RASA2: variants seen among roughly 807,000 people sequenced by gnomAD.
RASA2 encodes ras GTPase-activating protein 2.
RASA2 carries 155 observed loss-of-function variants against 118.2 expected under a neutral mutation model. The observed-to-expected ratio is 1.31, with a 90% CI of 1.15 to 1.50. RASA2 has a LOEUF of 1.50. Ranked by LOEUF, RASA2 falls within the 40% of genes most tolerant of loss-of-function variation. The probability of loss-of-function intolerance (pLI) is 0.00; values close to 1 mark genes in which losing one functional copy is unlikely to be tolerated. For synonymous variants in RASA2, 353 were observed against 349.1 expected (o/e 1.01, Z -0.12); for missense variants, 1,016 against 1,009.6 (o/e 1.01, Z -0.09).
intron 19 of RASA2, among the ~76,000 whole-genome samples, chr3:141,601,698 G>A (rs1245909375): frequency 1.3e-5 from 2 of 151,934 alleles, no homozygotes; most frequent in African/African-American, 2.4e-5. Context: ...AGAGCTTGTT[G>A]GGGTTTGTTG....
intron 1 of RASA2, among the ~76,000 whole-genome samples, chr3:141,500,212 A>G (rs1276428393): frequency 6.6e-6 from 1 of 152,144 alleles, no homozygotes; most frequent in Non-Finnish European, 1.5e-5. Flanking sequence ...GTAGTTCTTG[A>G]CAGTCCCCCC....
At chr3:141,502,660 AATAAT>A (rs1333525392) in intron 1 of RASA2, among the ~76,000 whole-genome samples, 9 of 152,202 alleles carry the variant, frequency 5.9e-5, no homozygotes, top group Non-Finnish European at 1.3e-4. Context: ...GATTAAGTAA[AATAAT>A]ATATATGAAG....
At chr3:141,594,870 C>T (rs1219202519) in intron 19 of RASA2, among the ~76,000 whole-genome samples, 1 of 140,124 alleles carries the variant, frequency 7.1e-6, no homozygotes, top group Non-Finnish European at 1.6e-5. Flanking sequence ...TGTAAGAATG[C>T]CTGTTTTTTT....
rs571775549 is a variant in RASA2 at position 141,600,114 on chromosome 3, A to G, written c.1934-7564A>G. 6.6e-5 allele frequency among the ~76,000 whole-genome samples: 10 copies of G among 152,346 alleles called. No homozygotes were observed. The South Asian group carries it at 2.1e-3, about 32-fold the overall frequency. ...AAGACAAACACAAATCAGGGAATGA[A>G]GTTTTCCCAAAGCTGCAGTGTGAAA... is the stretch of plus-strand genomic sequence containing the variant. On this transcript the variant is annotated intron_variant, in intron 19 of 23. Transcript: ENST00000286364.
At chr3:141,512,396 T>C (rs1303695321) in intron 2 of RASA2, 116 bp downstream of exon 2, 1 of 703,562 alleles carries the variant, frequency 1.4e-6, no homozygotes, top group Non-Finnish European at 2.3e-6. Context: ...TGCTTTCATG[T>C]GGCTTTTCAT....
At position 141,489,878 on chromosome 3, in the gene RASA2, A is replaced by G. The variant is rs571861162; in HGVS notation, c.133+2662A>G. On this transcript the variant is annotated intron_variant, in intron 1 of 23. Transcript: ENST00000286364. Reference sequence around the variant, plus strand: ...GGAAACTTAACAAAAAGTGGTAACCAAAAAGGTGGAGGTCACAAAATAACA... The same window carrying G: ...GGAAACTTAACAAAAAGTGGTAACCGAAAAGGTGGAGGTCACAAAATAACA... Among the ~76,000 whole-genome samples, 13 of 152,284 alleles carry G rather than the reference A, an allele frequency of 8.5e-5. No individual in the cohort carries two copies. The South Asian group carries it at 2.7e-3, about 32-fold the overall frequency.
At chr3:141,547,285 T>G (rs1245697381) in intron 5 of RASA2, among the ~76,000 whole-genome samples, 2 of 152,156 alleles carry the variant, frequency 1.3e-5, no homozygotes, top group African/African-American at 2.4e-5. Context: ...GTAGATTGCT[T>G]TAGGTAGTAT....
At chr3:141,580,085 A>AAAAT (rs1553797703) in intron 15 of RASA2, among the ~76,000 whole-genome samples, 210 of 59,594 alleles carry the variant, frequency 3.5e-3, no homozygotes, top group Middle Eastern at 0.015. Flanking sequence ...AAAAAAAAAA[A>AAAAT]ATATATATAT....
chr3:141,580,362 C>A lies in RASA2; in HGVS notation c.1591-6C>A, dbSNP rs767959881. The A allele has an allele frequency of 6.3e-7, 1 of 1,587,548 alleles. No individual in the cohort carries two copies. Among genetic ancestry groups the A allele is most frequent in the Non-Finnish European group, 8.6e-7 (1 of 1,162,178 alleles). ...TAGTAGTTTTGGTCTTTTTTACATT[C>A]TTTAGGATGCACAGACAATTAGAAC... On this transcript the variant is annotated splice_region_variant and splice_polypyrimidine_tract_variant and intron_variant, in intron 15 of 23. Coordinates refer to ENST00000286364, the MANE Select transcript of RASA2 (RefSeq NM_006506.5).
rs553743378 is a variant in RASA2, at chr3:141,570,515, C to T, written c.864-397C>T. On this transcript the variant is annotated intron_variant, in intron 9 of 23. Coordinates refer to ENST00000286364, the MANE Select transcript of RASA2 (RefSeq NM_006506.5). ...GATTACAGTCATGAGCCACTGCACC[C>T]GGACTGTCTTAATTTTCAGCTAAAT... Among the ~76,000 whole-genome samples the T allele has an allele frequency of 5.3e-5, 8 of 152,238 alleles. 1 individual carries two copies. Among genetic ancestry groups the T allele is most frequent in the African/African-American group, 1.7e-4 (7 of 41,562 alleles).
intron 1 of RASA2, among the ~76,000 whole-genome samples, chr3:141,489,578 C>T (rs894903330): frequency 1.3e-5 from 2 of 152,186 alleles, no homozygotes; most frequent in African/African-American, 4.8e-5. Context: ...AGATTTTATA[C>T]TACTGATTGA....
chr3:141,491,676 A>G (rs1415499726), intron 1 of RASA2, among the ~76,000 whole-genome samples: 1 of 152,232 alleles, frequency 6.6e-6, no homozygotes, highest in African/African-American at 2.4e-5. Flanking sequence ...TCAAAATCAC[A>G]GTGCCCACTA....
chr3:141,531,852 AG>A (rs1345756858), intron 4 of RASA2, among the ~76,000 whole-genome samples: 2 of 152,070 alleles, frequency 1.3e-5, no homozygotes, highest in African/African-American at 4.8e-5. Context: ...ACTGCTGATA[AG>A]GGAATACTAA....
intron 2 of RASA2, among the ~76,000 whole-genome samples, chr3:141,515,325 G>A (rs2082007021): frequency 6.6e-6 from 1 of 151,976 alleles, no homozygotes; most frequent in African/African-American, 2.4e-5. Flanking sequence ...AAATAATACA[G>A]CTTTACACAT....
intron 9 of RASA2, among the ~76,000 whole-genome samples, chr3:141,569,978 A>G (rs565620627): frequency 6.6e-6 from 1 of 152,158 alleles, no homozygotes; most frequent in East Asian, 1.9e-4. Flanking sequence ...TCTTTCTGTG[A>G]CTGCGAACAA....
intron 3 of RASA2, among the ~76,000 whole-genome samples, chr3:141,524,843 A>C (rs2082162980): frequency 6.6e-6 from 1 of 151,974 alleles, no homozygotes; most frequent in Non-Finnish European, 1.5e-5. Context: ...CACCCACCTC[A>C]GCCTCCCAAA....
intron 19 of RASA2, chr3:141,600,495 A>T (rs1275324182): frequency 3.1e-6 from 1 of 323,202 alleles, no homozygotes; most frequent in Admixed American, 4.0e-5. Context: ...ACTTGGTCAC[A>T]GCCTTCATGC....
At chr3:141,574,898 GTT>G (rs1262983152) in intron 14 of RASA2, among the ~76,000 whole-genome samples, 1 of 152,034 alleles carries the variant, frequency 6.6e-6, no homozygotes, top group Non-Finnish European at 1.5e-5. Context: ...CATACATAGA[GTT>G]TTAAGGTACA....
chr3:141,511,006 C>T (rs772654347), intron 1 of RASA2, among the ~76,000 whole-genome samples: 3 of 152,072 alleles, frequency 2.0e-5, no homozygotes, highest in Non-Finnish European at 4.4e-5. Flanking sequence ...AGGCAACTCT[C>T]ATGTTTGTTC....
Sources: allele counts gnomAD v4.1 joint callset (sites outside exome capture counted in the v4.1 genomes callset), GRCh38; gene constraint gnomAD v4.1.1; transcripts MANE v1.5; gene names NCBI Gene and HGNC (gene_info 2026-07-23, HGNC 2026-07-21).